ULK4: variants seen among roughly 807,000 people sequenced by gnomAD.
ULK4 encodes inactive serine/threonine-protein kinase ULK4.
ULK4 carries 133 observed loss-of-function variants against 160.6 expected under a neutral mutation model. That is an observed-to-expected ratio of 0.83 (90% confidence interval 0.72 to 0.96). The LOEUF is 0.96. Ranked by LOEUF, ULK4 falls within the 40% of genes least tolerant of loss-of-function variation. The pLI is 0.00. For synonymous variants in ULK4, 534 were observed against 539.8 expected (o/e 0.99, Z 0.15); for missense variants, 1,580 against 1,499.5 (o/e 1.05, Z -0.89).
chr3:41,849,565 T>C (rs1024458048), intron 17 of ULK4, among the ~76,000 whole-genome samples: 1 of 152,140 alleles, frequency 6.6e-6, no homozygotes, highest in African/African-American at 2.4e-5. Flanking sequence ...ACTATAATGG[T>C]AGATAGATGT....
intron 1 of ULK4, among the ~76,000 whole-genome samples, chr3:41,959,772 C>T (rs1700609313): frequency 6.6e-6 from 1 of 151,468 alleles, no homozygotes; most frequent in East Asian, 2.0e-4. Flanking sequence ...CCCGACTCTA[C>T]ACAAATAAAA....
At chr3:41,961,447 G>A (rs972760574) in intron 1 of ULK4, among the ~76,000 whole-genome samples, 8 of 151,472 alleles carry the variant, frequency 5.3e-5, no homozygotes, top group African/African-American at 2.0e-4. Flanking sequence ...ACCCCGAGAT[G>A]TAACCGATGG....
chr3:41,774,364 A>G (rs1239499642), intron 21 of ULK4, among the ~76,000 whole-genome samples: 1 of 150,660 alleles, frequency 6.6e-6, no homozygotes, highest in Non-Finnish European at 1.5e-5. Flanking sequence ...ATGAACTCAA[A>G]CAAATTTACA....
At chr3:41,713,239 C>A (rs1469651472) in intron 25 of ULK4, among the ~76,000 whole-genome samples, 1 of 152,172 alleles carries the variant, frequency 6.6e-6, no homozygotes, top group Admixed American at 6.5e-5. Context: ...GTAGACTAGA[C>A]CTCATAGCAG....
At chr3:41,357,767 G>A (rs567543301) in intron 35 of ULK4, among the ~76,000 whole-genome samples, 4 of 152,302 alleles carry the variant, frequency 2.6e-5, no homozygotes, top group African/African-American at 9.6e-5. Context: ...CCTCCAAAAG[G>A]AGACATGTAG....
In ULK4 at chr3:41,959,320, C is replaced by T. The variant is rs373884834; in HGVS notation, c.-49+2696G>A. 1.6e-4 allele frequency among the ~76,000 whole-genome samples: 24 copies of T among 145,974 alleles called. No homozygotes were observed. The East Asian group carries it at 3.9e-3, about 23-fold the overall frequency. On this transcript the variant is annotated intron_variant, in intron 1 of 36. Transcript: ENST00000301831. The stretch of plus-strand genomic sequence containing the variant: ...CGGAGGCTGCAGTGAGCCAAGATCG[C>T]GCCACTGCACTCCAGCCTGAGGAAC...
chr3:41,370,449 C>A (rs558622690), intron 35 of ULK4, among the ~76,000 whole-genome samples: 1 of 152,244 alleles, frequency 6.6e-6, no homozygotes, highest in African/African-American at 2.4e-5. Flanking sequence ...AACTGAGGTA[C>A]TCAGCTCATC....
intron 34 of ULK4, among the ~76,000 whole-genome samples, chr3:41,448,022 T>C (rs1200497658): frequency 2.0e-5 from 3 of 152,180 alleles, no homozygotes; most frequent in African/African-American, 7.2e-5. Context: ...TGAATCTATG[T>C]CTTACCAGAC....
chr3:41,328,297 C>A lies in ULK4; in HGVS notation c.3678+69782G>T, dbSNP rs536794043. 2.5e-3 allele frequency among the ~76,000 whole-genome samples: 388 copies of A among 152,204 alleles called. 7 individuals carry two copies. Among genetic ancestry groups the A allele is most frequent in the African/African-American group, 9.2e-3 (384 of 41,528 alleles). ...GACCCTGGCATCATCAATAGAAAAACCATGTTAGGATTAGTAAGAGGGCCA... is the reference window on the plus strand; with the variant it reads ...GACCCTGGCATCATCAATAGAAAAAACATGTTAGGATTAGTAAGAGGGCCA... On this transcript the variant is annotated intron_variant, in intron 35 of 36. Transcript: ENST00000301831.
At chr3:41,538,524 A>G (rs2086589587) in intron 32 of ULK4, among the ~76,000 whole-genome samples, 1 of 152,146 alleles carries the variant, frequency 6.6e-6, no homozygotes. Flanking sequence ...GGCATTTCAT[A>G]TGGGTCCCAG....
intron 32 of ULK4, among the ~76,000 whole-genome samples, chr3:41,562,215 G>C (rs1283851197): frequency 2.0e-5 from 3 of 152,170 alleles, no homozygotes; most frequent in African/African-American, 7.2e-5. Context: ...ATTGTACTGT[G>C]GTCTGAGAGA....
intron 31 of ULK4, among the ~76,000 whole-genome samples, chr3:41,579,108 G>T (rs79450752): frequency 2.1e-3 from 325 of 152,306 alleles, no homozygotes; most frequent in East Asian, 0.013. Flanking sequence ...TCCACAAGAA[G>T]CCCTTTGAAC....
intron 22 of ULK4, among the ~76,000 whole-genome samples, chr3:41,747,264 C>T (rs2038450744): frequency 6.6e-6 from 1 of 151,848 alleles, no homozygotes; most frequent in African/African-American, 2.4e-5. Flanking sequence ...ACAGTGGACT[C>T]GTGTCTAAAA....
At chr3:41,445,346 C>T (rs1032126073) in intron 34 of ULK4, among the ~76,000 whole-genome samples, 1 of 152,184 alleles carries the variant, frequency 6.6e-6, no homozygotes, top group African/African-American at 2.4e-5. Context: ...CTACCAATGA[C>T]TTTCTTCACA....
chr3:41,676,721 T>A (rs955992373), intron 29 of ULK4, among the ~76,000 whole-genome samples: 10 of 152,118 alleles, frequency 6.6e-5, no homozygotes, highest in African/African-American at 2.4e-4. Context: ...ATAAGATACA[T>A]TTAGTATCAG....
intron 16 of ULK4, among the ~76,000 whole-genome samples, chr3:41,887,819 G>A (rs143674979): frequency 0.06 from 8,920 of 149,792 alleles, 834 homozygotes; most frequent in African/African-American, 0.21. Context: ...GTAAGACTCC[G>A]TCTCAAAAAA....
At chr3:41,269,870 T>C (rs1010300864) in intron 35 of ULK4, among the ~76,000 whole-genome samples, 8 of 152,202 alleles carry the variant, frequency 5.3e-5, no homozygotes, top group African/African-American at 1.2e-4. Context: ...CTTAACTCTT[T>C]GGGGACTCAT....
Position 41,807,460 on chromosome 3 carries a change from T to C in ULK4, c.1849-7167A>G, listed in dbSNP as rs1001956498. On this transcript the variant is annotated intron_variant, in intron 19 of 36. Coordinates refer to ENST00000301831, the MANE Select transcript of ULK4 (RefSeq NM_017886.4). ...AAAACGTTTACAAATGCGCAGAAGATATTGAGTAATGTCTAAGTTCAAGCC... is the reference window on the plus strand; with the variant it reads ...AAAACGTTTACAAATGCGCAGAAGACATTGAGTAATGTCTAAGTTCAAGCC... Among the ~76,000 whole-genome samples the C allele has an allele frequency of 1.9e-4, 29 of 152,326 alleles. No individual in the cohort carries two copies. In the East Asian group the frequency reaches 4.8e-3, roughly 25 times the overall value.
At chr3:41,252,555 T>G (rs2078761629) in intron 35 of ULK4, among the ~76,000 whole-genome samples, 1 of 143,928 alleles carries the variant, frequency 6.9e-6, no homozygotes, top group Non-Finnish European at 1.5e-5. Flanking sequence ...AATGAGTCAG[T>G]GAACCTGAAG....
Sources: allele counts gnomAD v4.1 joint callset (sites outside exome capture counted in the v4.1 genomes callset), GRCh38; gene constraint gnomAD v4.1.1; transcripts MANE v1.5; gene names NCBI Gene and HGNC (gene_info 2026-07-23, HGNC 2026-07-21).